The following SLC4A4 variants were observed in gnomAD, a reference collection of about 807,000 sequenced individuals.
SLC4A4 encodes the protein electrogenic sodium bicarbonate cotransporter 1.
In SLC4A4, 27 loss-of-function variants were observed where a neutral mutation model predicts 111.5. The observed-to-expected ratio is 0.24, with a 90% CI of 0.18 to 0.33. SLC4A4 has a LOEUF of 0.33. SLC4A4 is among the 10% of genes least tolerant of loss of function. SLC4A4 has a pLI of 1.00. For synonymous variants in SLC4A4, 443 were observed against 463.4 expected (o/e 0.96, Z 0.57); for missense variants, 909 against 1,315.5 (o/e 0.69, Z 4.78).
At chr4:71,111,448 G>T (rs964620853) in intron 2 of SLC4A4, among the ~76,000 whole-genome samples, 1 of 150,132 alleles carries the variant, frequency 6.7e-6, no homozygotes, top group Non-Finnish European at 1.5e-5. Context: ...TGCAACCTCT[G>T]CCTCCGGGGT....
chr4:71,132,956 G>A (rs548161356), intron 2 of SLC4A4, among the ~76,000 whole-genome samples: 44 of 152,326 alleles, frequency 2.9e-4, no homozygotes, highest in Non-Finnish European at 4.7e-4. Flanking sequence ...TGGAGGACAT[G>A]GTGGGAACTA....
intron 7 of SLC4A4, among the ~76,000 whole-genome samples, chr4:71,419,869 A>G (rs1399627503): frequency 1.3e-5 from 2 of 152,300 alleles, no homozygotes; most frequent in East Asian, 3.9e-4. Flanking sequence ...CCAAAAGTAG[A>G]TAAAACCACA....
intron 20 of SLC4A4, among the ~76,000 whole-genome samples, chr4:71,553,859 T>C (rs1736245162): frequency 6.6e-6 from 1 of 151,900 alleles, no homozygotes; most frequent in Non-Finnish European, 1.5e-5. Context: ...TCATCCCTCC[T>C]ACCCCCGTCA....
intron 15 of SLC4A4, among the ~76,000 whole-genome samples, chr4:71,488,541 A>G (rs1436074069): frequency 6.6e-6 from 1 of 151,736 alleles, no homozygotes; most frequent in African/African-American, 2.4e-5. Flanking sequence ...AGACCTTAAT[A>G]TGTACTATAA....
At chr4:71,302,292 C>T (rs1725335302) in intron 3 of SLC4A4, among the ~76,000 whole-genome samples, 1 of 152,130 alleles carries the variant, frequency 6.6e-6, no homozygotes, top group African/African-American at 2.4e-5. Context: ...CTGCTAGTAA[C>T]TTGCTGAGCC....
intron 11 of SLC4A4, among the ~76,000 whole-genome samples, chr4:71,453,287 A>T (rs1406661077): frequency 6.6e-6 from 1 of 152,204 alleles, no homozygotes; most frequent in Non-Finnish European, 1.5e-5. Context: ...AGGAAATGTG[A>T]CACCTAATTT....
At chr4:71,520,448 A>G (rs573546354) in intron 16 of SLC4A4, among the ~76,000 whole-genome samples, 3 of 152,326 alleles carry the variant, frequency 2.0e-5, no homozygotes, top group Middle Eastern at 6.8e-3. Flanking sequence ...TTAGTGCTGC[A>G]TTTTGTGGGA....
chr4:71,338,837 T>A (rs1179919153), intron 3 of SLC4A4, among the ~76,000 whole-genome samples: 2 of 150,184 alleles, frequency 1.3e-5, no homozygotes, highest in Non-Finnish European at 3.0e-5. Context: ...TTGTTAAATA[T>A]TCCTTCATCA....
intron 3 of SLC4A4, among the ~76,000 whole-genome samples, chr4:71,325,756 C>G (rs1403473825): frequency 6.6e-6 from 1 of 151,876 alleles, no homozygotes; most frequent in African/African-American, 2.4e-5. Context: ...GGTCATAGGG[C>G]CTTGTGGATT....
intron 7 of SLC4A4, among the ~76,000 whole-genome samples, chr4:71,423,022 C>G (rs1303615865): frequency 2.6e-5 from 4 of 152,142 alleles, no homozygotes; most frequent in East Asian, 1.9e-4. Context: ...AAAGGGTATT[C>G]TATTAGGAAA....
chr4:71,564,896 T>C (rs548275946), intron 24 of SLC4A4, among the ~76,000 whole-genome samples: 1 of 151,862 alleles, frequency 6.6e-6, no homozygotes, highest in Non-Finnish European at 1.5e-5. Flanking sequence ...TCTTACACAA[T>C]TCCTCACATT....
intron 2 of SLC4A4, among the ~76,000 whole-genome samples, chr4:71,148,360 G>C (rs1198604797): frequency 6.6e-6 from 1 of 152,102 alleles, no homozygotes; most frequent in African/African-American, 2.4e-5. Flanking sequence ...AAAGAAACTG[G>C]ATCTCCAAAC....
chr4:71,142,945 T>C (rs566617442), intron 2 of SLC4A4, among the ~76,000 whole-genome samples: 92 of 151,752 alleles, frequency 6.1e-4, no homozygotes, highest in Non-Finnish European at 1.1e-3. Flanking sequence ...TTTCTTTCCT[T>C]TTTATTATTA....
intron 7 of SLC4A4, among the ~76,000 whole-genome samples, chr4:71,413,067 T>G (rs1021334638): frequency 1.3e-5 from 2 of 152,322 alleles, no homozygotes; most frequent in Admixed American, 1.3e-4. Flanking sequence ...GTATAGTTGT[T>G]GCCTGCCTTT....
In SLC4A4 at chr4:71,472,985, CT is replaced by C; in HGVS notation, c.1903+18del. 6.2e-7 allele frequency: 1 copy of C among 1,612,766 alleles called. No homozygotes were observed. Among genetic ancestry groups the C allele is most frequent in the Non-Finnish European group, 8.5e-7 (1 of 1,179,222 alleles). ...ACCTGACCCAGGTGAGGGCATTACGCTTTGTGTTTATGCTCGCTTTGTATTT... is the reference window on the plus strand; with the variant it reads ...ACCTGACCCAGGTGAGGGCATTACGCTTGTGTTTATGCTCGCTTTGTATTT... On this transcript the variant is annotated intron_variant, in intron 14 of 25. Coordinates refer to ENST00000264485, the MANE Select transcript of SLC4A4 (RefSeq NM_001098484.3).
At chr4:71,531,963 A>G in intron 16 of SLC4A4, 99 bp from the exon 17 acceptor site, 3 of 741,932 alleles carry the variant, frequency 4.0e-6, no homozygotes, top group Non-Finnish European at 7.3e-6. Context: ...CTGTTGCTAT[A>G]AACTATTAGC....
intron 4 of SLC4A4, among the ~76,000 whole-genome samples, chr4:71,340,168 G>A (rs1189570265): frequency 6.6e-6 from 1 of 152,122 alleles, no homozygotes; most frequent in Non-Finnish European, 1.5e-5. Context: ...AGGCTGCAGT[G>A]ATCTCTGATC....
chr4:71,549,703 A>C lies in SLC4A4; in HGVS notation c.2694+1983A>C, dbSNP rs116570156. Among the ~76,000 whole-genome samples the C allele has an allele frequency of 3.2e-3, 483 of 151,970 alleles. 2 individuals are homozygous for C. The highest frequency in any genetic ancestry group is 0.011 in the African/African-American group (472 of 41,494). ...TCCTAGAGAATCTGACAGTTGAGTAATCATGGATGATTCCAAGGGGACACA... is the reference window on the plus strand; with the variant it reads ...TCCTAGAGAATCTGACAGTTGAGTACTCATGGATGATTCCAAGGGGACACA... On this transcript the variant is annotated intron_variant, in intron 20 of 25. Transcript: ENST00000264485.
chr4:71,237,616 C>T (rs543930660), intron 2 of SLC4A4, among the ~76,000 whole-genome samples: 5 of 152,218 alleles, frequency 3.3e-5, no homozygotes, highest in African/African-American at 1.2e-4. Flanking sequence ...AAAAGAGAGT[C>T]AGTATTGTAT....
Sources: gnomAD v4.1 joint callset for allele counts (sites outside exome capture counted in the v4.1 genomes callset) on GRCh38, gnomAD v4.1.1 for gene constraint, MANE v1.5 for transcripts, NCBI Gene and HGNC (gene_info 2026-07-23, HGNC 2026-07-21) for gene names.